Variants in PPP2R2D observed in about 807,000 individuals in gnomAD.
PPP2R2D encodes the protein serine/threonine-protein phosphatase 2A 55 kDa regulatory subunit B delta isoform.
PPP2R2D carries 9 observed loss-of-function variants against 31.1 expected under a neutral mutation model. That is an observed-to-expected ratio of 0.29 (90% CI 0.17 to 0.51). The LOEUF (loss-of-function observed/expected upper bound fraction) is 0.51, where lower values mean the gene tolerates loss of function less well. Among genes scored for constraint, PPP2R2D ranks in the 20% least tolerant of loss-of-function variants. The pLI is 0.98. For synonymous variants in PPP2R2D, 179 were observed against 172.6 expected (o/e 1.04, Z -0.29); for missense variants, 391 against 465.6 (o/e 0.84, Z 1.48).
Position 131,957,357 on chromosome 10 carries a change from T to C in PPP2R2D, c.*1394T>C. 1.0e-5 allele frequency: 2 copies of C among 198,626 alleles called. No individual in the cohort carries two copies. Among genetic ancestry groups the C allele is most frequent in the South Asian group, 6.2e-5 (1 of 16,002 alleles). 12.3% of individuals were successfully genotyped at this position (198,626 alleles called of 1,614,324 possible). A position where few individuals can be genotyped will look rare whatever the true frequency, so the allele number is the denominator to read the frequency against. ...GAAGGAGGTGTGTGCTGATCCCCTG[T>C]GCCCTGTGGAGATGGAGGTGTGTGC... On this transcript the variant is annotated 3_prime_UTR_variant, in exon 9 of 9. Transcript: ENST00000455566.
chr10:131,938,241 T>G (rs1441994339), intron 3 of PPP2R2D, among the ~76,000 whole-genome samples: 2 of 152,244 alleles, frequency 1.3e-5, no homozygotes, highest in Non-Finnish European at 2.9e-5. Context: ...GGAACATCTG[T>G]TTAGACTTGA....
chr10:131,971,357 A>G, the PPP2R2D span: 2 of 249,366 alleles, frequency 8.0e-6, no homozygotes, highest in Non-Finnish European at 1.6e-5. Context: ...AAACAGCCGA[A>G]AACGGCTCAA....
At chr10:131,942,189 C>T (rs1467136000) in intron 5 of PPP2R2D, among the ~76,000 whole-genome samples, 2 of 152,184 alleles carry the variant, frequency 1.3e-5, no homozygotes, top group Non-Finnish European at 2.9e-5. Flanking sequence ...CCTCAGAAAC[C>T]CCTGTTCCTC....
chr10:131,915,089 T>A (rs1158156966), intron 2 of PPP2R2D, among the ~76,000 whole-genome samples: 2 of 138,958 alleles, frequency 1.4e-5, no homozygotes, highest in African/African-American at 6.2e-5. Context: ...ATACCTTAAA[T>A]TTTTTTTTTT....
At chr10:131,937,602 CAGAG>C (rs2036367168) in intron 3 of PPP2R2D, among the ~76,000 whole-genome samples, 1 of 152,254 alleles carries the variant, frequency 6.6e-6, no homozygotes, top group Admixed American at 6.5e-5. Context: ...CCGTTCATGG[CAGAG>C]AGACAAGCCT....
chr10:131,941,116 C>T (rs2036433504), intron 5 of PPP2R2D, among the ~76,000 whole-genome samples: 1 of 152,144 alleles, frequency 6.6e-6, no homozygotes, highest in Non-Finnish European at 1.5e-5. Context: ...CAGGACGCTT[C>T]TCGGGGAATT....
At chr10:131,921,850 T>C (rs2035993998) in intron 2 of PPP2R2D, among the ~76,000 whole-genome samples, 1 of 152,184 alleles carries the variant, frequency 6.6e-6, no homozygotes, top group African/African-American at 2.4e-5. Context: ...CACATAGTTA[T>C]TTGCAAAAAG....
intron 2 of PPP2R2D, among the ~76,000 whole-genome samples, chr10:131,921,131 C>T (rs2035978691): frequency 1.3e-5 from 2 of 152,174 alleles, no homozygotes; most frequent in Admixed American, 1.3e-4. Context: ...GAGTGATGAT[C>T]GTTTCTGTAT....
chr10:131,906,174 C>G (rs943971347), intron 2 of PPP2R2D, among the ~76,000 whole-genome samples: 6 of 152,124 alleles, frequency 3.9e-5, no homozygotes, highest in Non-Finnish European at 8.8e-5. Context: ...AGCTATGGGT[C>G]TTGCTCCTTT....
In PPP2R2D at chr10:131,958,998, T is replaced by A. The variant is rs11146347; in HGVS notation, c.*3035T>A. ...CTGATCCGCCATCCCACTGTGGAGA[T>A]GAAGGCGTGTGCTGATCCCCCATCC... On this transcript the variant is annotated 3_prime_UTR_variant, in exon 9 of 9. Transcript: ENST00000455566. 6.0e-4 allele frequency: 50 copies of A among 82,686 alleles called. 2 individuals are homozygous for A. The highest frequency in any genetic ancestry group is 5.3e-3 in the East Asian group (7 of 1,310). 5.1% of individuals were successfully genotyped at this position (82,686 alleles called of 1,614,324 possible).
chr10:131,920,396 G>T (rs1482476377), intron 2 of PPP2R2D, among the ~76,000 whole-genome samples: 1 of 144,468 alleles, frequency 6.9e-6, no homozygotes, highest in African/African-American at 2.6e-5. Context: ...TGGGTGGAGT[G>T]ACACAGTGTA....
chr10:131,904,586 T>C (rs1487113757), intron 2 of PPP2R2D, among the ~76,000 whole-genome samples: 2 of 152,234 alleles, frequency 1.3e-5, no homozygotes, highest in African/African-American at 4.8e-5. Context: ...ACTTAAGGTA[T>C]AGCAGATTTT....
intron 2 of PPP2R2D, among the ~76,000 whole-genome samples, chr10:131,902,855 C>T (rs1322159537): frequency 1.3e-5 from 2 of 152,104 alleles, no homozygotes; most frequent in African/African-American, 4.8e-5. Flanking sequence ...TAGGCTCAAG[C>T]GATTCGCCCA....
chr10:131,945,624 T>C lies in PPP2R2D; in HGVS notation c.820+165T>C. Reference sequence around the variant, plus strand: ...ACAGGCAGGTGCCACCATGCCCAGCTAGTTTTTGTATTTTTAGTACAGACA... The same window carrying C: ...ACAGGCAGGTGCCACCATGCCCAGCCAGTTTTTGTATTTTTAGTACAGACA... On this transcript the variant is annotated intron_variant, in intron 7 of 8. Coordinates refer to ENST00000455566, the MANE Select transcript of PPP2R2D (RefSeq NM_018461.5). This position sits in a 1 kb window ranked among gnomAD's most constrained non-coding sequence, Gnocchi z 4.8. 1 of 748,812 alleles carries C rather than the reference T, an allele frequency of 1.3e-6. No individual in the cohort carries two copies. The highest frequency in any genetic ancestry group is 2.1e-6 in the Non-Finnish European group (1 of 476,352). 46.4% of individuals were successfully genotyped at this position (748,812 alleles called of 1,614,324 possible).
intron 2 of PPP2R2D, chr10:131,912,145 A>C (rs926898912): frequency 1.1e-4 from 17 of 152,286 alleles, no homozygotes; most frequent in African/African-American, 4.1e-4. Flanking sequence ...ACTTTGAATA[A>C]GATTTTCTGT....
intron 2 of PPP2R2D, among the ~76,000 whole-genome samples, chr10:131,907,878 G>A (rs1330188301): frequency 2.0e-5 from 3 of 152,148 alleles, no homozygotes; most frequent in Non-Finnish European, 4.4e-5. Context: ...AATCATACCT[G>A]GTGATTTTCC....
rs2035600069 is a variant in PPP2R2D, at chr10:131,907,016, A to G, written c.100+5686A>G. On this transcript the variant is annotated intron_variant, in intron 2 of 8. Coordinates refer to ENST00000455566, the MANE Select transcript of PPP2R2D (RefSeq NM_018461.5). ...AAATTAGGTGTGTCTTTTATATATA[A>G]TCTCCTATAATGTCTTTTATATGTA... Among the ~76,000 whole-genome samples, 5 of 151,902 alleles carry G rather than the reference A, an allele frequency of 3.3e-5. No homozygotes were observed. The South Asian group carries it at 1.0e-3, about 32-fold the overall frequency.
chr10:131,928,314 C>T (rs370216528), intron 2 of PPP2R2D, among the ~76,000 whole-genome samples: 1 of 152,156 alleles, frequency 6.6e-6, no homozygotes, highest in Non-Finnish European at 1.5e-5. Flanking sequence ...GCAGTGGCCT[C>T]GCGAGCAGCA....
intron 2 of PPP2R2D, among the ~76,000 whole-genome samples, chr10:131,933,469 C>T (rs375415526): frequency 9.2e-5 from 14 of 152,154 alleles, no homozygotes; most frequent in African/African-American, 3.4e-4. Context: ...GGGAGGCGAG[C>T]TTGTAGTGTT....
Sources: allele counts gnomAD v4.1 joint callset (sites outside exome capture counted in the v4.1 genomes callset), GRCh38; gene constraint gnomAD v4.1.1; non-coding constraint Gnocchi (gnomAD v3.1); transcripts MANE v1.5; gene names NCBI Gene and HGNC (gene_info 2026-07-23, HGNC 2026-07-21).